The following LOC728743 variants were observed in gnomAD, a reference collection of about 807,000 sequenced individuals.
the LOC728743 span, chr7:150,410,310 C>T: frequency 2.1e-4 from 84 of 397,060 alleles, no homozygotes; most frequent in Non-Finnish European, 3.5e-4. Flanking sequence ...AGGTGCACTG[C>T]GGTGACCAGT....
At chr7:150,406,163 C>T in the LOC728743 span, among the ~76,000 whole-genome samples, 7 of 152,108 alleles carry the variant, frequency 4.6e-5, no homozygotes, top group African/African-American at 1.7e-4. Context: ...ACCCCGGCCT[C>T]GAGGGTACGG....
chr7:150,408,130 G>A, the LOC728743 span: 1 of 387,174 alleles, frequency 2.6e-6, no homozygotes, highest in Non-Finnish European at 4.6e-6. Context: ...GCTGCGGCAA[G>A]AGCTTCGCGC....
chr7:150,402,521 T>C, the LOC728743 span, among the ~76,000 whole-genome samples: 1 of 152,270 alleles, frequency 6.6e-6, no homozygotes, highest in African/African-American at 2.4e-5. Context: ...AGACATCGAC[T>C]GAGGACCTAT....
At chr7:150,408,279 C>G in the LOC728743 span, 3 of 375,034 alleles carry the variant, frequency 8.0e-6, no homozygotes, top group South Asian at 2.8e-4. Context: ...GCGTCCCCGA[C>G]CCCTGGAGAT....
the LOC728743 span, among the ~76,000 whole-genome samples, chr7:150,406,465 TGTTTA>T: frequency 6.6e-6 from 1 of 151,150 alleles, no homozygotes; most frequent in Non-Finnish European, 1.5e-5. Flanking sequence ...TTTTGAGGAG[TGTTTA>T]GTTGTTGAGC....
chr7:150,412,006 C>T, the LOC728743 span: 103,495 of 151,888 alleles, frequency 0.68, 35,659 homozygotes, highest in Non-Finnish European at 0.74. Flanking sequence ...TGCCCCCGAA[C>T]TGCGTGCTGT....
At chr7:150,408,292 C>T in the LOC728743 span, 12 of 366,918 alleles carry the variant, frequency 3.3e-5, no homozygotes, top group South Asian at 1.4e-4. Flanking sequence ...CTGGAGATGG[C>T]CCTGGGCCGC....
At chr7:150,403,729 G>A in the LOC728743 span, among the ~76,000 whole-genome samples, 4 of 152,128 alleles carry the variant, frequency 2.6e-5, no homozygotes, top group Admixed American at 2.6e-4. The surrounding 1 kb of genome is among the most constrained non-coding windows in gnomAD (Gnocchi z 5.1). Context: ...AATTTCCGTG[G>A]GACGTGGAAC....
At chr7:150,406,060 T>C in the LOC728743 span, among the ~76,000 whole-genome samples, 205 of 152,220 alleles carry the variant, frequency 1.3e-3, 1 homozygote, top group African/African-American at 4.6e-3. Flanking sequence ...TGATGATCTG[T>C]CTTTGCAGAT....
the LOC728743 span, among the ~76,000 whole-genome samples, chr7:150,403,306 C>T: frequency 6.6e-6 from 1 of 152,082 alleles, no homozygotes; most frequent in African/African-American, 2.4e-5. The surrounding 1 kb of genome is among the most constrained non-coding windows in gnomAD (Gnocchi z 5.1). Flanking sequence ...TTGGCTTCCC[C>T]GCTGAGACAG....
At chr7:150,408,354 C>G in the LOC728743 span, 1 of 363,674 alleles carries the variant, frequency 2.7e-6, no homozygotes. Flanking sequence ...GGCTTGGGCT[C>G]TTGAAGGTGT....
the LOC728743 span, among the ~76,000 whole-genome samples, chr7:150,402,356 C>G: frequency 6.6e-6 from 1 of 152,228 alleles, no homozygotes; most frequent in East Asian, 1.9e-4. Flanking sequence ...TGCAGAGCAA[C>G]TCAGCCCTCA....
At chr7:150,406,156 C>G in the LOC728743 span, among the ~76,000 whole-genome samples, 1 of 152,158 alleles carries the variant, frequency 6.6e-6, no homozygotes, top group African/African-American at 2.4e-5. Flanking sequence ...CAGTTCCACC[C>G]CGGCCTCGAG....
the LOC728743 span, chr7:150,408,086 G>A: frequency 2.7e-6 from 1 of 376,732 alleles, no homozygotes; most frequent in Non-Finnish European, 4.7e-6. Context: ...CCGCCCCGGC[G>A]TCTTCGGGGA....
the LOC728743 span, chr7:150,410,516 C>G: frequency 3.5e-6 from 1 of 289,520 alleles, no homozygotes; most frequent in Middle Eastern, 9.3e-4. Context: ...TGGTCCACCA[C>G]TTGGCTAGAG....
At chr7:150,408,764 C>T in the LOC728743 span, among the ~76,000 whole-genome samples, 2 of 152,244 alleles carry the variant, frequency 1.3e-5, no homozygotes, top group African/African-American at 4.8e-5. Flanking sequence ...CATTTCACTT[C>T]ATGTTTCAGT....
At chr7:150,404,177 G>A in the LOC728743 span, among the ~76,000 whole-genome samples, 3 of 152,206 alleles carry the variant, frequency 2.0e-5, no homozygotes, top group Non-Finnish European at 4.4e-5. Flanking sequence ...AGAGGCCACA[G>A]AGAAAAAAGC....
the LOC728743 span, chr7:150,407,553 C>T: frequency 2.5e-6 from 1 of 398,166 alleles, no homozygotes; most frequent in Non-Finnish European, 4.4e-6. Context: ...CTCTCCACCC[C>T]CCACCCCCGC....
chr7:150,403,248 A>G, the LOC728743 span, among the ~76,000 whole-genome samples: 1 of 152,098 alleles, frequency 6.6e-6, no homozygotes, highest in East Asian at 1.9e-4. This position sits in a 1 kb window ranked among gnomAD's most constrained non-coding sequence, Gnocchi z 5.1. Context: ...CTGAGCTCAA[A>G]CCACCGTGGC....
Sources: gnomAD v4.1 joint callset for allele counts (sites outside exome capture counted in the v4.1 genomes callset) on GRCh38, gnomAD v4.1.1 for gene constraint, Gnocchi (gnomAD v3.1) non-coding constraint, MANE v1.5 for transcripts.